APOBEC3D: variants seen among roughly 807,000 people sequenced by gnomAD.
The protein encoded by APOBEC3D is apolipoprotein B mRNA editing enzyme catalytic subunit 3D.
A neutral mutation model predicts 45.6 loss-of-function variants in APOBEC3D; 37 were observed. That is an observed-to-expected ratio of 0.81 (90% confidence interval 0.62 to 1.07). APOBEC3D has a LOEUF of 1.07. Among genes scored for constraint, APOBEC3D ranks in the 50% least tolerant of loss-of-function variants. The pLI, the probability that APOBEC3D is intolerant of heterozygous loss-of-function variation, is 0.00. For missense variants in APOBEC3D, 496 were observed against 495.3 expected, an observed-to-expected ratio of 1.00 and a Z score of -0.01; for synonymous variants, 175 against 180.7, an observed-to-expected ratio of 0.97 and a Z score of 0.25.
At chr22:39,032,056 C>T in intron 6 of APOBEC3D, 83 bp downstream of exon 6, 1 of 1,593,600 alleles carries the variant, frequency 6.3e-7, no homozygotes, top group Non-Finnish European at 8.6e-7. Context: ...TGGGGCGGGG[C>T]AGTGTCCCCG....
At position 39,025,256 on chromosome 22, in the gene APOBEC3D, G is replaced by A. The variant is rs773235065; in HGVS notation, c.397G>A (p.Ala133Thr). The A allele has an allele frequency of 1.9e-5, 30 of 1,613,876 alleles. No homozygotes were observed. Among genetic ancestry groups the A allele is most frequent in the African/African-American group, 1.5e-4 (11 of 74,856 alleles). Residue 133 changes from alanine (A) to threonine (T), a missense_variant, in exon 3 of 7, where the codon GCC becomes ACC. By Grantham distance (58) the Ala-to-Thr change is moderately conservative. Transcript: ENST00000216099. Reference sequence around the variant, plus strand: ...CAATGTCACCCTGACCATCTCTGCCGCCCGCCTCTACTACTACCGGGATAG... The same window carrying A: ...CAATGTCACCCTGACCATCTCTGCCACCCGCCTCTACTACTACCGGGATAG... ...HPNVTLTISAARLYYYRDRDW... is the reference protein window; with the variant it reads ...HPNVTLTISATRLYYYRDRDW...
At position 39,031,993 on chromosome 22, in the gene APOBEC3D, G is replaced by A; in HGVS notation, c.1042+20G>A. 4 of 1,613,816 alleles carry A rather than the reference G, an allele frequency of 2.5e-6. No homozygotes were observed. The highest frequency in any genetic ancestry group is 2.2e-5 in the South Asian group (2 of 91,074). ...ACAAAGGTGAGACGTGGGGGGCTGAGGAGAGTGGGTGCGGGAGGGACAGCA... is the reference window on the plus strand; with the variant it reads ...ACAAAGGTGAGACGTGGGGGGCTGAAGAGAGTGGGTGCGGGAGGGACAGCA... On this transcript the variant is annotated intron_variant, in intron 6 of 6. Coordinates refer to ENST00000216099, the MANE Select transcript of APOBEC3D (RefSeq NM_152426.4).
At chr22:39,025,488 A>C (rs775676692) in intron 3 of APOBEC3D, 69 bp from the exon 4 acceptor site, 1 of 1,613,920 alleles carries the variant, frequency 6.2e-7, no homozygotes, top group South Asian at 1.1e-5. Flanking sequence ...GACAGCCAGG[A>C]GACCAGGCCT....
Position 39,031,694 on chromosome 22 carries a change from G to A in APOBEC3D, c.763G>A (p.Val255Met). 1 of 1,611,288 alleles carries A rather than the reference G, an allele frequency of 6.2e-7. No individual in the cohort carries two copies. Among genetic ancestry groups the A allele is most frequent in the Non-Finnish European group, 8.5e-7 (1 of 1,177,700 alleles). ...FRKRGVFRNQ[V>M]DPETHCHAER... The stretch of plus-strand genomic sequence containing the variant: ...TGCCCTCCTCCTCCTCCTTCCCCAG[G>A]TGGATCCTGAGACCCATTGTCATGC... The change falls in exon 6 of 7, where the codon GTG (valine) becomes ATG (methionine). Residue 255 changes from valine (V) to methionine (M), a missense_variant and splice_region_variant. Transcript: ENST00000216099.
At chr22:39,023,493 G>A (rs1205424952) in intron 2 of APOBEC3D, among the ~76,000 whole-genome samples, 1 of 147,952 alleles carries the variant, frequency 6.8e-6, no homozygotes, top group Admixed American at 6.8e-5. Flanking sequence ...TGTTGCCCAG[G>A]CTAGAGTGCA....
At chr22:39,023,059 C>G in intron 2 of APOBEC3D, 45 bp downstream of exon 2, 1 of 1,461,718 alleles carries the variant, frequency 6.8e-7, no homozygotes, top group Non-Finnish European at 9.1e-7. Flanking sequence ...AAATGTCTGG[C>G]GGCGGGCTCT....
In APOBEC3D at chr22:39,025,163, T is replaced by G; in HGVS notation, c.304T>G (p.Trp102Gly). The change falls in exon 3 of 7, where the codon TGG becomes GGG. Residue 102 changes from tryptophan (W) to glycine (G), a missense_variant. Coordinates refer to ENST00000216099, the MANE Select transcript of APOBEC3D (RefSeq NM_152426.4). ...LPANRRFQITWFVSWNPCLPC... is the reference protein window; with the variant it reads ...LPANRRFQITGFVSWNPCLPC... The stretch of plus-strand genomic sequence containing the variant: ...TGCTAACAGGCGCTTCCAGATCACC[T>G]GGTTTGTATCATGGAACCCCTGCCT... The G allele has an allele frequency of 6.2e-7, 1 of 1,614,008 alleles. No individual in the cohort carries two copies. Among genetic ancestry groups the G allele is most frequent in the Non-Finnish European group, 8.5e-7 (1 of 1,179,942 alleles).
intron 5 of APOBEC3D, among the ~76,000 whole-genome samples, chr22:39,030,720 CAG>C (rs969149558): frequency 7.2e-5 from 11 of 151,978 alleles, no homozygotes; most frequent in Admixed American, 1.3e-4. Flanking sequence ...AGAAGGCAGA[CAG>C]GGGACAAGGC....
At chr22:39,031,312 A>G (rs547757542) in intron 5 of APOBEC3D, among the ~76,000 whole-genome samples, 4 of 152,328 alleles carry the variant, frequency 2.6e-5, no homozygotes, top group African/African-American at 7.2e-5. Context: ...TTATGCTCAT[A>G]GTCCTAGAAA....
At chr22:39,031,579 A>G (rs761372807) in intron 5 of APOBEC3D, 115 bp from the exon 6 acceptor site, 9 of 1,442,842 alleles carry the variant, frequency 6.2e-6, no homozygotes, top group Non-Finnish European at 8.5e-6. Flanking sequence ...AAAAATAAAT[A>G]AATAAGAAAA....
At chr22:39,029,688 C>T (rs1926018610) in intron 5 of APOBEC3D, among the ~76,000 whole-genome samples, 169 bp downstream of exon 5, 1 of 151,232 alleles carries the variant, frequency 6.6e-6, no homozygotes, top group Non-Finnish European at 1.5e-5. Flanking sequence ...ACCTCTGCCT[C>T]CCGGGTTCAA....
chr22:39,029,811 G>A (rs867470158), intron 5 of APOBEC3D, among the ~76,000 whole-genome samples: 16 of 152,046 alleles, frequency 1.1e-4, no homozygotes, highest in South Asian at 1.0e-3. Context: ...GGGTTTCACC[G>A]TGGTGGCCAG....
At chr22:39,026,398 T>A (rs1396719733) in intron 4 of APOBEC3D, among the ~76,000 whole-genome samples, 2 of 152,212 alleles carry the variant, frequency 1.3e-5, no homozygotes, top group Non-Finnish European at 2.9e-5. Context: ...GTTAATTTAA[T>A]CACCACTTTA....
chr22:39,025,783 C>G (rs1925595244), intron 4 of APOBEC3D, 112 bp downstream of exon 4: 1 of 1,574,564 alleles, frequency 6.4e-7, no homozygotes, highest in Non-Finnish European at 8.6e-7. Context: ...CCTGCCTGCC[C>G]TCATGGTTAC....
chr22:39,021,551 T>C lies in APOBEC3D; in HGVS notation c.17+15T>C. ...CCACAGATCAGGTACCGCTGCCCAC[T>C]ATGTCCGCAGGGCCCCTCCGGCCCC... On this transcript the variant is annotated intron_variant, in intron 1 of 6. Transcript: ENST00000216099. 2 of 1,613,438 alleles carry C rather than the reference T, an allele frequency of 1.2e-6. No individual in the cohort carries two copies. Among genetic ancestry groups the C allele is most frequent in the East Asian group, 2.2e-5 (1 of 44,888 alleles).
At chr22:39,029,126 A>G (rs1925959939) in intron 4 of APOBEC3D, among the ~76,000 whole-genome samples, 1 of 152,124 alleles carries the variant, frequency 6.6e-6, no homozygotes, top group African/African-American at 2.4e-5. Context: ...AGGGTGTCCC[A>G]TTGGTAGGCC....
chr22:39,023,889 G>A lies in APOBEC3D; in HGVS notation c.210+875G>A, dbSNP rs1925373753. ...TCCTCACCCTGCCACCCCCACTGGG[G>A]ACACTAAGTTCCCCGCCTTGTCCCA... On this transcript the variant is annotated intron_variant, in intron 2 of 6. Coordinates refer to ENST00000216099, the MANE Select transcript of APOBEC3D (RefSeq NM_152426.4). Among the ~76,000 whole-genome samples the A allele has an allele frequency of 2.0e-5, 3 of 152,206 alleles. No homozygotes were observed. In the South Asian group the frequency reaches 6.2e-4, roughly 32 times the overall value.
intron 2 of APOBEC3D, 37 bp downstream of exon 2, chr22:39,023,051 A>G (rs771191333): frequency 6.7e-7 from 1 of 1,488,318 alleles, no homozygotes; most frequent in East Asian, 2.5e-5. Flanking sequence ...CATAAGTAAA[A>G]TGTCTGGCGG....
intron 5 of APOBEC3D, among the ~76,000 whole-genome samples, chr22:39,029,859 G>A (rs1214058156): frequency 6.6e-6 from 1 of 152,186 alleles, no homozygotes; most frequent in Non-Finnish European, 1.5e-5. Context: ...GATCCGCCCC[G>A]CTTGGCCTCC....
Sources: allele counts gnomAD v4.1 joint callset (sites outside exome capture counted in the v4.1 genomes callset), GRCh38; gene constraint gnomAD v4.1.1; transcripts MANE v1.5; gene names NCBI Gene and HGNC (gene_info 2026-07-23, HGNC 2026-07-21).